Variants in RNF19B observed in about 807,000 individuals in gnomAD.
The protein encoded by RNF19B is ring finger protein 19B, also known as E3 ubiquitin-protein ligase RNF19B.
A neutral mutation model predicts 65.5 loss-of-function variants in RNF19B; 23 were observed. That is an observed-to-expected ratio of 0.35 (90% CI 0.25 to 0.50). The LOEUF is 0.50. Among genes scored for constraint, RNF19B ranks in the 20% least tolerant of loss-of-function variants. RNF19B has a pLI of 0.98. For missense variants in RNF19B, 794 were observed against 980.0 expected, an observed-to-expected ratio of 0.81 and a Z score of 2.53; for synonymous variants, 372 against 379.6, an observed-to-expected ratio of 0.98 and a Z score of 0.23.
chr1:32,948,450 A>G, intron 2 of RNF19B, 87 bp from the exon 3 acceptor site: 1 of 1,408,172 alleles, frequency 7.1e-7, no homozygotes, highest in Non-Finnish European at 9.7e-7. Context: ...TATATATAAG[A>G]AATGAGGCAG....
At position 32,948,202 on chromosome 1, in the gene RNF19B, G is replaced by A. The variant is rs918577495; in HGVS notation, c.983+20C>T. 3.1e-6 allele frequency: 5 copies of A among 1,611,720 alleles called. No individual in the cohort carries two copies. The highest frequency in any genetic ancestry group is 1.1e-5 in the South Asian group (1 of 90,990). On this transcript the variant is annotated intron_variant, in intron 3 of 8. Transcript: ENST00000235150. ...AAGAGAATGAGACTACGAAAGGAATGGATGCATTTCCCATCTTACCTGAGG... is the reference window on the plus strand; with the variant it reads ...AAGAGAATGAGACTACGAAAGGAATAGATGCATTTCCCATCTTACCTGAGG...
chr1:32,951,803 T>TC (rs1221865478), intron 1 of RNF19B, among the ~76,000 whole-genome samples: 1 of 144,432 alleles, frequency 6.9e-6, no homozygotes, highest in East Asian at 2.0e-4. Flanking sequence ...ACACATATTC[T>TC]TTTTTTTTTT....
chr1:32,959,965 G>C (rs1642731674), intron 1 of RNF19B, among the ~76,000 whole-genome samples: 1 of 151,874 alleles, frequency 6.6e-6, no homozygotes, highest in African/African-American at 2.4e-5. Context: ...GCAGGAGAAT[G>C]GCGTGAACCC....
At chr1:32,956,902 C>T (rs771682752) in intron 1 of RNF19B, among the ~76,000 whole-genome samples, 1 of 152,152 alleles carries the variant, frequency 6.6e-6, no homozygotes, top group Non-Finnish European at 1.5e-5. Flanking sequence ...GGGTGGTAGA[C>T]ATGCGCCAAC....
chr1:32,946,502 T>C lies in RNF19B; in HGVS notation c.1046A>G (p.Gln349Arg). ...TGGAGCACCAATCAACGTGCCCAGC[T>C]GCCAAAGAATTTTCTTCTTACGGCT... The part of the protein sequence containing the change: ...PWSRKKKILW[Q>R]LGTLIGAPVG... Residue 349 changes from glutamine (Q) to arginine (R), a missense_variant, in exon 4 of 9, where the codon CAG becomes CGG. Physicochemically the swap from Gln to Arg is conservative, Grantham distance 43. Coordinates refer to ENST00000235150, the MANE Select transcript of RNF19B (RefSeq NM_001300826.2). The C allele has an allele frequency of 1.2e-6, 2 of 1,614,162 alleles. No individual in the cohort carries two copies. Among genetic ancestry groups the C allele is most frequent in the Non-Finnish European group, 1.7e-6 (2 of 1,179,984 alleles).
In RNF19B at chr1:32,964,392, C is replaced by T; in HGVS notation, c.294G>A (p.Glu98=). 1.5e-6 allele frequency: 2 copies of T among 1,313,942 alleles called. No homozygotes were observed. The highest frequency in any genetic ancestry group is 3.1e-5 in the East Asian group (1 of 32,198). The allele number at this position is 1,313,942 out of a possible 1,614,324, so 81.4% of individuals were successfully genotyped here. ...CCGCCTCCTCATCGTCGAACCCAGGCTCCGCCGCCGCCGCCGCGGCCTCCG... is the reference window on the plus strand; with the variant it reads ...CCGCCTCCTCATCGTCGAACCCAGGTTCCGCCGCCGCCGCCGCGGCCTCCG... ...AEAEAAAAAA[E]PGFDDEEAAE... Residue 98 remains glutamate (E), a synonymous_variant, in exon 1 of 9, where the codon GAG becomes GAA. Transcript: ENST00000235150. The surrounding 1 kb of genome is among the most constrained non-coding windows in gnomAD (Gnocchi z 6.5).
chr1:32,931,357 T>G, the RNF19B span, among the ~76,000 whole-genome samples: 1 of 152,082 alleles, frequency 6.6e-6, no homozygotes, highest in Non-Finnish European at 1.5e-5. Context: ...TTAGAGCTGG[T>G]AGCAAGGAGG....
chr1:32,937,134 T>TC lies in RNF19B; in HGVS notation c.1867dup (p.Glu623GlyfsTer3). ...TTCACTGCCTCCGCCACCACTACCT[T>TC]CTTCTTCATTCTCTGCCATCTGAGC... On this transcript the variant is annotated frameshift_variant, in exon 9 of 9. Transcript: ENST00000235150. LOFTEE classifies it high-confidence loss of function. 6.2e-7 allele frequency: 1 copy of TC among 1,614,148 alleles called. No homozygotes were observed. Among genetic ancestry groups the TC allele is most frequent in the Non-Finnish European group, 8.5e-7 (1 of 1,180,010 alleles).
rs181446509 is a variant in RNF19B, at chr1:32,961,774, G to C, written c.635+2277C>G. ...CTAATTTTTTAATAACTTCCAAATA[G>C]TTGAGAGTTGTCACCAAGCTTGAAA... On this transcript the variant is annotated intron_variant, in intron 1 of 8. Transcript: ENST00000235150. 1.5e-3 allele frequency among the ~76,000 whole-genome samples: 222 copies of C among 152,088 alleles called. 1 individual carries two copies. The highest frequency in any genetic ancestry group is 5.1e-3 in the African/African-American group (213 of 41,460).
chr1:32,934,572 T>C (rs1642067183), downstream of RNF19B, among the ~76,000 whole-genome samples: 2 of 151,876 alleles, frequency 1.3e-5, no homozygotes, highest in Admixed American at 1.3e-4. Context: ...TCCCAGCTAC[T>C]TGGGAGTCTG....
downstream of RNF19B, among the ~76,000 whole-genome samples, chr1:32,934,754 T>C (rs116211639): frequency 8.4e-3 from 1,282 of 152,338 alleles, 11 homozygotes; most frequent in Non-Finnish European, 0.014. Context: ...TAAGTCACTC[T>C]AAGATTTGGA....
the RNF19B span, among the ~76,000 whole-genome samples, chr1:32,931,380 G>C: frequency 2.6e-5 from 4 of 152,126 alleles, no homozygotes; most frequent in Non-Finnish European, 5.9e-5. Flanking sequence ...TAGGGGGTGG[G>C]ACACGAGAAG....
chr1:32,942,553 A>G (rs1430910829), intron 6 of RNF19B, 94 bp from the exon 7 acceptor site: 2 of 998,310 alleles, frequency 2.0e-6, no homozygotes, highest in African/African-American at 3.2e-5. Context: ...GAACTAATGT[A>G]TTTACTTAAT....
intron 1 of RNF19B, among the ~76,000 whole-genome samples, chr1:32,951,495 T>C (rs575148462): frequency 1.3e-5 from 2 of 152,320 alleles, no homozygotes; most frequent in East Asian, 3.9e-4. Context: ...GCAAAGGAGA[T>C]GCTGGAGCTC....
chr1:32,948,737 G>C (rs1642424016), intron 2 of RNF19B, among the ~76,000 whole-genome samples: 2 of 152,162 alleles, frequency 1.3e-5, no homozygotes, highest in African/African-American at 4.8e-5. Flanking sequence ...CTGCAGCCTG[G>C]AATTAGCTTT....
In RNF19B at chr1:32,942,399, A is replaced by T; in HGVS notation, c.1463T>A (p.Leu488Gln). ...TCCACTAGTGCTCAATACACTAGTCAGGCCTTCAATGCTGCTTTCCCCAAT... is the reference window on the plus strand; with the variant it reads ...TCCACTAGTGCTCAATACACTAGTCTGGCCTTCAATGCTGCTTTCCCCAAT... ...PSIGESSIEGLTSVLSTSGSP... is the reference protein window; with the variant it reads ...PSIGESSIEGQTSVLSTSGSP... Residue 488 changes from leucine to glutamine, a missense_variant, in exon 7 of 9, where the codon CTG becomes CAG. Leu to Gln is a moderately radical substitution (Grantham distance 113). Around this residue, in one of 3 missense-constraint regions of RNF19B, gnomAD observed 368 missense variants for 447.3 expected, o/e 0.82. Transcript: ENST00000235150. The T allele has an allele frequency of 6.2e-7, 1 of 1,614,228 alleles. No individual in the cohort carries two copies. The highest frequency in any genetic ancestry group is 8.5e-7 in the Non-Finnish European group (1 of 1,180,034).
intron 1 of RNF19B, among the ~76,000 whole-genome samples, chr1:32,960,409 ACTTCT>A (rs145121602): frequency 6.6e-6 from 1 of 152,302 alleles, no homozygotes; most frequent in East Asian, 1.9e-4. Context: ...TGGGACTTGG[ACTTCT>A]CTTCTAGTGT....
At position 32,964,272 on chromosome 1, in the gene RNF19B, C is replaced by A. The variant is rs1251294956; in HGVS notation, c.414G>T (p.Pro138=). Residue 138 remains proline, a synonymous_variant, in exon 1 of 9, where the codon CCG becomes CCT. Transcript: ENST00000235150. This position sits in a 1 kb window ranked among gnomAD's most constrained non-coding sequence, Gnocchi z 6.5. ...GGAGGCAGTCCCGGCACGAGCGGTG[C>A]GGACAGCTGAGGAGGCGCGGGGCCC... ...PERAPRLLSC[P]HRSCRDCLRH... is the part of the protein sequence containing the mutation. 249 of 1,536,260 alleles carry A rather than the reference C, an allele frequency of 1.6e-4. No individual in the cohort carries two copies. The highest frequency in any genetic ancestry group is 3.6e-4 in the East Asian group (14 of 39,126).
chr1:32,945,662 G>T, intron 4 of RNF19B, 34 bp from the exon 5 acceptor site: 1 of 1,271,312 alleles, frequency 7.9e-7, no homozygotes, highest in Non-Finnish European at 1.1e-6. Context: ...AGGTCAGCAG[G>T]TTAGGACATC....
Sources: gnomAD v4.1 joint callset for allele counts (sites outside exome capture counted in the v4.1 genomes callset) on GRCh38, gnomAD v4.1.1 for gene constraint, gnomAD v4.1.1 regional missense constraint, Gnocchi (gnomAD v3.1) non-coding constraint, MANE v1.5 for transcripts, NCBI Gene and HGNC (gene_info 2026-07-23, HGNC 2026-07-21) for gene names.